CWC22: variants seen among roughly 807,000 people sequenced by gnomAD.
CWC22 encodes the protein CWC22 spliceosome associated protein.
In CWC22, 53 loss-of-function variants were observed where a neutral mutation model predicts 117.2. The observed-to-expected ratio is 0.45, with a 90% confidence interval of 0.36 to 0.57. The LOEUF is 0.57. Among genes scored for constraint, CWC22 ranks in the 20% least tolerant of loss-of-function variants. CWC22 has a pLI of 0.00. For missense variants in CWC22, 980 were observed against 1,068.8 expected (o/e 0.92, Z 1.16); for synonymous variants, 360 against 355.6 (o/e 1.01, Z -0.14).
At chr2:179,963,201 TCTG>T (rs1205288374) in intron 13 of CWC22, among the ~76,000 whole-genome samples, 1 of 150,254 alleles carries the variant, frequency 6.7e-6, no homozygotes, top group African/African-American at 2.4e-5. Context: ...ACACAGTAAA[TCTG>T]CTGCTCACAA....
chr2:179,990,530 G>A (rs1271253869), intron 2 of CWC22, among the ~76,000 whole-genome samples: 1 of 114,918 alleles, frequency 8.7e-6, no homozygotes, highest in African/African-American at 3.5e-5. Flanking sequence ...GAATGAGAGT[G>A]AGTGAGTGAG....
At chr2:179,960,305 A>T (rs1686719226) in intron 13 of CWC22, among the ~76,000 whole-genome samples, 1 of 152,026 alleles carries the variant, frequency 6.6e-6, no homozygotes, top group African/African-American at 2.4e-5. Flanking sequence ...CCAATGCTCA[A>T]GGTTTTAAAG....
intron 5 of CWC22, among the ~76,000 whole-genome samples, chr2:179,979,697 C>T (rs1687240774): frequency 6.6e-6 from 1 of 152,106 alleles, no homozygotes; most frequent in South Asian, 2.1e-4. Flanking sequence ...AAATTATGTA[C>T]CCCCTTACTG....
chr2:179,965,752 C>A, intron 12 of CWC22, 126 bp downstream of exon 12: 1 of 762,890 alleles, frequency 1.3e-6, no homozygotes, highest in Non-Finnish European at 2.0e-6. Flanking sequence ...CTAGTCTTCA[C>A]CTCCTAGACG....
intron 19 of CWC22, among the ~76,000 whole-genome samples, chr2:179,947,796 T>C (rs1686346603): frequency 6.6e-6 from 1 of 152,180 alleles, no homozygotes; most frequent in African/African-American, 2.4e-5. Context: ...TAACAAGCTA[T>C]GGAACAAAGG....
At chr2:179,957,839 T>C (rs61600916) in intron 14 of CWC22, among the ~76,000 whole-genome samples, 1,482 of 48,406 alleles carry the variant, frequency 0.031, 26 homozygotes, top group African/African-American at 0.096. Context: ...ATAATATACA[T>C]TAGAAAAAAA....
Position 179,974,281 on chromosome 2 carries a change from A to G in CWC22, c.582-479T>C, listed in dbSNP as rs575553919. 3.8e-3 allele frequency among the ~76,000 whole-genome samples: 585 copies of G among 152,354 alleles called. 3 individuals carry two copies. Among genetic ancestry groups the G allele is most frequent in the African/African-American group, 0.014 (566 of 41,580 alleles). On this transcript the variant is annotated intron_variant, in intron 6 of 19. Transcript: ENST00000410053. ...TTAAATCTTTAAGTCTAATTTTAGT[A>G]GAATAAAATGAAGATGTGGAATACT...
At chr2:179,985,988 G>A (rs1025417814) in intron 4 of CWC22, among the ~76,000 whole-genome samples, 11 of 152,006 alleles carry the variant, frequency 7.2e-5, no homozygotes, top group African/African-American at 2.7e-4. Flanking sequence ...TCAATAACAA[G>A]GGGTTATAAT....
chr2:180,002,362 AG>A (rs1449053951), intron 1 of CWC22, among the ~76,000 whole-genome samples: 1 of 152,220 alleles, frequency 6.6e-6, no homozygotes, highest in Non-Finnish European at 1.5e-5. Context: ...CATTTAGGCT[AG>A]GGCCATAATT....
At chr2:179,983,389 T>C (rs901308175) in intron 4 of CWC22, among the ~76,000 whole-genome samples, 3 of 152,074 alleles carry the variant, frequency 2.0e-5, no homozygotes, top group Non-Finnish European at 4.4e-5. Context: ...CTGTGTTAGT[T>C]TGTTAAGGAT....
chr2:179,945,403 T>A lies in CWC22; in HGVS notation c.2453A>T (p.Asp818Val). ...MHIDLENKHG[D>V]PKKKRGERRN... The stretch of plus-strand genomic sequence containing the variant: ...TCTCTCTCCTCTCTTCTTTTTGGGA[T>A]CACCATGCTTATTTTCCAAATCTAT... Residue 818 changes from aspartate to valine, a missense_variant, in exon 20 of 20, where the codon GAT (aspartate) becomes GTT (valine). By Grantham distance (152) the Asp-to-Val change is radical. Coordinates refer to ENST00000410053, the MANE Select transcript of CWC22 (RefSeq NM_020943.3). 1.2e-6 allele frequency: 2 copies of A among 1,613,328 alleles called. No homozygotes were observed. The highest frequency in any genetic ancestry group is 1.7e-6 in the Non-Finnish European group (2 of 1,179,608).
At chr2:179,960,291 C>A (rs1035049536) in intron 13 of CWC22, among the ~76,000 whole-genome samples, 1 of 151,898 alleles carries the variant, frequency 6.6e-6, no homozygotes, top group Non-Finnish European at 1.5e-5. Context: ...TCAAAGAGTG[C>A]TTCCCAATGC....
chr2:179,960,456 T>C (rs1686723069), intron 13 of CWC22, among the ~76,000 whole-genome samples: 1 of 151,976 alleles, frequency 6.6e-6, no homozygotes, highest in Admixed American at 6.5e-5. Flanking sequence ...CTTTTAAAAG[T>C]TAATACTTTA....
At chr2:179,996,933 A>T (rs1687718621) in intron 1 of CWC22, among the ~76,000 whole-genome samples, 1 of 152,066 alleles carries the variant, frequency 6.6e-6, no homozygotes, top group African/African-American at 2.4e-5. Context: ...TAAGAGAAAG[A>T]AACTAAGAGA....
In CWC22 at chr2:179,984,227, T is replaced by C. The variant is rs143849064; in HGVS notation, c.207-2230A>G. On this transcript the variant is annotated intron_variant, in intron 4 of 19. Coordinates refer to ENST00000410053, the MANE Select transcript of CWC22 (RefSeq NM_020943.3). ...TTTCAACATCTACCAGATGTTTAAA[T>C]GCAACCTCAGGTAAGCTACTTAATA... Among the ~76,000 whole-genome samples, 512 of 152,238 alleles carry C rather than the reference T, an allele frequency of 3.4e-3. 4 individuals are homozygous for C. Among genetic ancestry groups the C allele is most frequent in the African/African-American group, 0.012 (493 of 41,572 alleles).
chr2:179,979,311 T>C (rs1223767711), intron 5 of CWC22, among the ~76,000 whole-genome samples: 2 of 152,186 alleles, frequency 1.3e-5, no homozygotes, highest in Non-Finnish European at 2.9e-5. Context: ...GCTTAATAAC[T>C]ACTTAAATTT....
intron 19 of CWC22, among the ~76,000 whole-genome samples, chr2:179,949,938 TA>T (rs1463941877): frequency 6.6e-6 from 1 of 151,852 alleles, no homozygotes; most frequent in African/African-American, 2.4e-5. Flanking sequence ...ATGCTAAAGG[TA>T]AAAACAGGCA....
At chr2:179,954,870 T>C (rs938394713) in intron 15 of CWC22, 87 bp downstream of exon 15, 1 of 843,980 alleles carries the variant, frequency 1.2e-6, no homozygotes, top group South Asian at 1.6e-5. Flanking sequence ...TGGTAATATG[T>C]TTTTAAATGA....
chr2:179,965,966 T>G lies in CWC22; in HGVS notation c.1227A>C (p.Gly409=). The change falls in exon 12 of 20, where the codon GGA becomes GGC. Residue 409 remains glycine, a synonymous_variant. Transcript: ENST00000410053. ...CCTGGTCTGTGTTCGAGTCAGTATC[T>G]CCCTCATCAAGAATTTCTGTAAAGT... ...KAIKKEILDE[G]DTDSNTDQDA... 1 of 1,610,870 alleles carries G rather than the reference T, an allele frequency of 6.2e-7. No individual in the cohort carries two copies.
Sources: gnomAD v4.1 joint callset for allele counts (sites outside exome capture counted in the v4.1 genomes callset) on GRCh38, gnomAD v4.1.1 for gene constraint, MANE v1.5 for transcripts, NCBI Gene and HGNC (gene_info 2026-07-23, HGNC 2026-07-21) for gene names.